The following ANKRD30B variants were observed in gnomAD, a reference collection of about 807,000 sequenced individuals.
The protein encoded by ANKRD30B is ankyrin repeat domain-containing protein 30B.
ANKRD30B carries 144 observed loss-of-function variants against 202.2 expected under a neutral mutation model. That is an observed-to-expected ratio of 0.71 (90% CI 0.62 to 0.82). The LOEUF (loss-of-function observed/expected upper bound fraction) is 0.82, where lower values mean the gene tolerates loss of function less well. Ranked by LOEUF, ANKRD30B falls within the 40% of genes least tolerant of loss-of-function variation. ANKRD30B has a pLI of 0.00. For synonymous variants in ANKRD30B, 508 were observed against 561.3 expected (o/e 0.91, Z 1.34); for missense variants, 1,487 against 1,669.1 (o/e 0.89, Z 1.90).
chr18:14,763,747 G>A lies in ANKRD30B; in HGVS notation c.882G>A (p.Thr294=), dbSNP rs750069657. The A allele has an allele frequency of 1.4e-5, 22 of 1,613,900 alleles. No homozygotes were observed. In the East Asian group the frequency reaches 2.5e-4, roughly 18 times the overall value. The change falls in exon 7 of 44, where the codon ACG becomes ACA. Residue 294 remains threonine, a synonymous_variant. Coordinates refer to ENST00000690538, the MANE Select transcript of ANKRD30B (RefSeq NM_001367607.2). The part of the protein sequence containing the change: ...AAPLAERTPD[T]AESLLEKTPD... Reference sequence around the variant, plus strand: ...CCTTGGCGGAAAGAACACCTGACACGGCTGAAAGCTTGCTGGAAAAAACAC... The same window carrying A: ...CCTTGGCGGAAAGAACACCTGACACAGCTGAAAGCTTGCTGGAAAAAACAC...
chr18:14,755,900 G>A (rs1914275212), intron 4 of ANKRD30B, among the ~76,000 whole-genome samples: 1 of 152,058 alleles, frequency 6.6e-6, no homozygotes, highest in South Asian at 2.1e-4. Context: ...ATGATTTAGA[G>A]TCCTTTGGGT....
intron 16 of ANKRD30B, among the ~76,000 whole-genome samples, chr18:14,794,948 T>C: frequency 6.6e-6 from 1 of 152,310 alleles, no homozygotes; most frequent in Non-Finnish European, 1.5e-5. Flanking sequence ...TATATTTCTA[T>C]TTCAAAGAAA....
At chr18:14,867,574 G>A in the ANKRD30B span, among the ~76,000 whole-genome samples, 1 of 152,194 alleles carries the variant, frequency 6.6e-6, no homozygotes, top group South Asian at 2.1e-4. Context: ...TCTGTGTTGT[G>A]GAGACCATCT....
chr18:14,838,109 A>C (rs1436824291), intron 36 of ANKRD30B, among the ~76,000 whole-genome samples: 1 of 152,282 alleles, frequency 6.6e-6, no homozygotes, highest in Non-Finnish European at 1.5e-5. Flanking sequence ...TGCATAGTGC[A>C]ATTCTGCTAA....
chr18:14,828,254 G>A (rs1343506694), intron 32 of ANKRD30B, 24 bp from the exon 33 acceptor site: 2 of 1,494,746 alleles, frequency 1.3e-6, no homozygotes, highest in African/African-American at 1.4e-5. Flanking sequence ...TTGATTTAAT[G>A]TATTTTACTC....
At chr18:14,910,898 G>A in the ANKRD30B span, among the ~76,000 whole-genome samples, 11 of 152,084 alleles carry the variant, frequency 7.2e-5, no homozygotes, top group East Asian at 1.2e-3. Context: ...GCATTCTTTC[G>A]TGTTTCTTGG....
rs1437778843 is a variant in ANKRD30B at position 14,778,073 on chromosome 18, A to G, written c.1418A>G (p.Glu473Gly). ...KDIKTINHKI[E>G]DQMFPSESKR... is the part of the protein sequence containing the mutation. ...ATCAAAACAATAAATCACAAAATAG[A>G]AGGTAAGAACCATTTTTTATTTAAA... is the stretch of plus-strand genomic sequence containing the variant. The change falls in exon 10 of 44, where the codon GAA becomes GGA. Residue 473 changes from glutamate to glycine, a missense_variant and splice_region_variant. Coordinates refer to ENST00000690538, the MANE Select transcript of ANKRD30B (RefSeq NM_001367607.2). 25 of 1,534,720 alleles carry G rather than the reference A, an allele frequency of 1.6e-5. No homozygotes were observed. Among genetic ancestry groups the G allele is most frequent in the Non-Finnish European group, 2.0e-5 (23 of 1,132,564 alleles).
chr18:14,748,341 C>T lies in ANKRD30B; in HGVS notation c.-79C>T. The T allele has an allele frequency of 4.1e-6, 5 of 1,227,504 alleles. No homozygotes were observed. The highest frequency in any genetic ancestry group is 4.3e-6 in the Non-Finnish European group (4 of 926,686). 76.0% of individuals were successfully genotyped at this position (1,227,504 alleles called of 1,614,324 possible). A position where few individuals can be genotyped will look rare whatever the true frequency, so the allele number is the denominator to read the frequency against. ...GGGGCGGGTGCTGGGGAAGGGTAAGCGGGAAGCGAGGGCGAGGGGTAGGGG... is the reference window on the plus strand; with the variant it reads ...GGGGCGGGTGCTGGGGAAGGGTAAGTGGGAAGCGAGGGCGAGGGGTAGGGG... On this transcript the variant is annotated 5_prime_UTR_variant, in exon 1 of 44. Coordinates refer to ENST00000690538, the MANE Select transcript of ANKRD30B (RefSeq NM_001367607.2).
chr18:14,844,273 T>C (rs892408704), intron 39 of ANKRD30B, among the ~76,000 whole-genome samples: 25 of 152,234 alleles, frequency 1.6e-4, no homozygotes, highest in Non-Finnish European at 2.9e-4. Context: ...TACCTACTGA[T>C]TTTTGATATA....
the ANKRD30B span, among the ~76,000 whole-genome samples, chr18:14,860,517 C>A: frequency 4.1e-5 from 6 of 146,916 alleles, no homozygotes; most frequent in Admixed American, 3.5e-4. Flanking sequence ...GGCAGAGGGG[C>A]TCCCCACTTC....
the ANKRD30B span, among the ~76,000 whole-genome samples, chr18:14,874,863 T>C: frequency 6.6e-6 from 1 of 152,200 alleles, no homozygotes; most frequent in African/African-American, 2.4e-5. Context: ...TCAAACTTTT[T>C]GTTGTTTGTT....
intron 34 of ANKRD30B, among the ~76,000 whole-genome samples, 162 bp downstream of exon 34, chr18:14,831,617 AAC>A (rs981642114): frequency 3.3e-5 from 5 of 152,088 alleles, no homozygotes; most frequent in Non-Finnish European, 7.4e-5. Context: ...AGTTGATTTA[AAC>A]AGTTTTTTTT....
chr18:14,795,798 C>T (rs144499576), intron 16 of ANKRD30B, among the ~76,000 whole-genome samples: 73 of 151,766 alleles, frequency 4.8e-4, no homozygotes, highest in African/African-American at 1.5e-3. Context: ...ACATAAGAGA[C>T]TCTGATGTGT....
chr18:14,856,087 C>T (rs1286712785), downstream of ANKRD30B, among the ~76,000 whole-genome samples: 24 of 133,532 alleles, frequency 1.8e-4, no homozygotes, highest in African/African-American at 5.0e-4. Context: ...ATGGGGTGGC[C>T]GGGCAGAGGC....
chr18:14,752,842 C>A lies in ANKRD30B; in HGVS notation c.340C>A (p.Leu114Ile). ...GEGRTPLMKA[L>I]QCEREACANI... ...CTTCTTGCTTTAATACTGACAGGCT[C>A]TACAATGCGAGAGGGAGGCTTGTGC... The change falls in exon 3 of 44, where the codon CTA (leucine) becomes ATA (isoleucine). Residue 114 changes from leucine (L) to isoleucine (I), a missense_variant. Transcript: ENST00000690538. 6.2e-7 allele frequency: 1 copy of A among 1,608,234 alleles called. No homozygotes were observed. Among genetic ancestry groups the A allele is most frequent in the Non-Finnish European group, 8.5e-7 (1 of 1,176,908 alleles).
Position 14,808,783 on chromosome 18 carries a change from A to G in ANKRD30B, c.2386+39A>G, listed in dbSNP as rs1196292631. Reference sequence around the variant, plus strand: ...TTTAAATTTTAATCTGGAATTAAGAATATTAAACTATTTGAAATGCCAAGA... The same window carrying G: ...TTTAAATTTTAATCTGGAATTAAGAGTATTAAACTATTTGAAATGCCAAGA... On this transcript the variant is annotated intron_variant, in intron 26 of 43. Coordinates refer to ENST00000690538, the MANE Select transcript of ANKRD30B (RefSeq NM_001367607.2). The G allele has an allele frequency of 3.6e-6, 5 of 1,405,750 alleles. 1 individual carries two copies. Among genetic ancestry groups the G allele is most frequent in the Non-Finnish European group, 4.8e-6 (5 of 1,042,870 alleles). 87.1% of individuals were successfully genotyped at this position (1,405,750 alleles called of 1,614,324 possible).
At chr18:14,810,216 A>G in intron 28 of ANKRD30B, 36 bp downstream of exon 28, 1 of 1,230,498 alleles carries the variant, frequency 8.1e-7, no homozygotes, top group African/African-American at 1.5e-5. Flanking sequence ...TCTGGAATTA[A>G]GAATATTAAA....
At chr18:14,823,914 G>T (rs9748620) in intron 32 of ANKRD30B, among the ~76,000 whole-genome samples, 1,996 of 152,266 alleles carry the variant, frequency 0.013, 47 homozygotes, top group African/African-American at 0.046. Flanking sequence ...GGCAGAAGTT[G>T]CAGTGAGCAA....
At chr18:14,889,161 G>A in the ANKRD30B span, among the ~76,000 whole-genome samples, 1 of 151,520 alleles carries the variant, frequency 6.6e-6, no homozygotes. Context: ...GGAAGTTCAT[G>A]TCAACTATTC....
Sources: gnomAD v4.1 joint callset for allele counts (sites outside exome capture counted in the v4.1 genomes callset) on GRCh38, gnomAD v4.1.1 for gene constraint, MANE v1.5 for transcripts, NCBI Gene and HGNC (gene_info 2026-07-23, HGNC 2026-07-21) for gene names.